DIPK1A: variants seen among roughly 807,000 people sequenced by gnomAD.
The protein encoded by DIPK1A is family with sequence similarity 69 member A.
In DIPK1A, 27 loss-of-function variants were observed where a neutral mutation model predicts 40.8. That is an observed-to-expected ratio of 0.66 (90% CI 0.49 to 0.91). The LOEUF (loss-of-function observed/expected upper bound fraction) is 0.91, where lower values mean the gene tolerates loss of function less well. Ranked by LOEUF, DIPK1A falls within the 40% of genes least tolerant of loss-of-function variation. The probability of loss-of-function intolerance (pLI) is 0.00; values close to 1 mark genes in which losing one functional copy is unlikely to be tolerated. For synonymous variants in DIPK1A, 166 were observed against 171.3 expected (o/e 0.97, Z 0.24); for missense variants, 412 against 505.7 (o/e 0.81, Z 1.78).
At chr1:92,943,181 CAAAG>C (rs1204153957) in intron 1 of DIPK1A, among the ~76,000 whole-genome samples, 3 of 151,954 alleles carry the variant, frequency 2.0e-5, no homozygotes, top group Non-Finnish European at 1.5e-5. Flanking sequence ...CTGAAAGAAA[CAAAG>C]AAAGAAAGAA....
intron 1 of DIPK1A, among the ~76,000 whole-genome samples, chr1:92,891,266 C>G (rs11164830): frequency 6.6e-6 from 1 of 151,406 alleles, no homozygotes; most frequent in Non-Finnish European, 1.5e-5. Context: ...TTTTGAAAAA[C>G]CAATTTTTCA....
intron 1 of DIPK1A, among the ~76,000 whole-genome samples, chr1:92,953,906 AC>A (rs1188675963): frequency 6.6e-6 from 1 of 152,204 alleles, no homozygotes; most frequent in Non-Finnish European, 1.5e-5. Context: ...TGTGCTTTTG[AC>A]CATAATTTAA....
chr1:92,885,389 G>A (rs893087703), intron 1 of DIPK1A, among the ~76,000 whole-genome samples: 2 of 151,204 alleles, frequency 1.3e-5, no homozygotes, highest in Admixed American at 6.6e-5. Context: ...TTTTTTTTTG[G>A]AAGGAGTCTC....
chr1:92,888,289 T>C (rs1324522356), intron 1 of DIPK1A, among the ~76,000 whole-genome samples: 1 of 152,114 alleles, frequency 6.6e-6, no homozygotes, highest in African/African-American at 2.4e-5. Context: ...CATGCAGCAT[T>C]TACCTTTTTG....
chr1:92,952,087 A>G (rs570654816), intron 1 of DIPK1A, among the ~76,000 whole-genome samples: 1 of 151,282 alleles, frequency 6.6e-6, no homozygotes, highest in East Asian at 1.9e-4. Flanking sequence ...AAACACACAC[A>G]AATGTCTGGA....
intron 2 of DIPK1A, among the ~76,000 whole-genome samples, chr1:92,862,538 C>T (rs566188524): frequency 2.7e-4 from 41 of 152,286 alleles, no homozygotes; most frequent in African/African-American, 8.7e-4. Context: ...TTTAAACCCT[C>T]GTCACTTGTG....
At chr1:92,900,320 C>T (rs200731290) in intron 1 of DIPK1A, among the ~76,000 whole-genome samples, 2 of 130,458 alleles carry the variant, frequency 1.5e-5, no homozygotes, top group African/African-American at 2.8e-5. Flanking sequence ...ACTTTTTTTT[C>T]CCCCTGACTG....
At chr1:92,903,106 A>G (rs1170632919) in intron 1 of DIPK1A, among the ~76,000 whole-genome samples, 2 of 152,048 alleles carry the variant, frequency 1.3e-5, no homozygotes, top group Non-Finnish European at 1.5e-5. Flanking sequence ...CCAGGCTGGA[A>G]TGCAGTGGCT....
At chr1:92,866,495 T>C (rs1557460235) in intron 2 of DIPK1A, among the ~76,000 whole-genome samples, 1 of 152,234 alleles carries the variant, frequency 6.6e-6, no homozygotes, top group Non-Finnish European at 1.5e-5. Context: ...CTTTCTTTCT[T>C]TACATTTTTG....
intron 2 of DIPK1A, among the ~76,000 whole-genome samples, chr1:92,861,943 C>A (rs567737552): frequency 2.5e-4 from 38 of 152,088 alleles, no homozygotes; most frequent in Non-Finnish European, 5.0e-4. Context: ...CCACACCCGG[C>A]TAAGTTTTGT....
At chr1:92,889,728 G>A (rs768958226) in intron 1 of DIPK1A, among the ~76,000 whole-genome samples, 3 of 151,890 alleles carry the variant, frequency 2.0e-5, no homozygotes, top group Non-Finnish European at 4.4e-5. Flanking sequence ...ACCCACTGCA[G>A]CCTCTGTCTC....
intron 1 of DIPK1A, among the ~76,000 whole-genome samples, chr1:92,925,526 C>T (rs899850183): frequency 3.3e-5 from 5 of 152,024 alleles, no homozygotes; most frequent in Admixed American, 6.6e-5. Context: ...GACAGTCTCG[C>T]GCTGCAACCC....
intron 1 of DIPK1A, among the ~76,000 whole-genome samples, chr1:92,891,978 C>T (rs896849760): frequency 1.3e-5 from 2 of 151,916 alleles, no homozygotes; most frequent in Non-Finnish European, 2.9e-5. Flanking sequence ...CTGCCATTGC[C>T]GAGGCTTGAG....
intron 2 of DIPK1A, among the ~76,000 whole-genome samples, chr1:92,856,087 A>C (rs928568411): frequency 1.3e-5 from 2 of 148,558 alleles, no homozygotes; most frequent in Non-Finnish European, 2.9e-5. Context: ...AAAATAAATA[A>C]ATAAATAAAA....
intron 2 of DIPK1A, among the ~76,000 whole-genome samples, chr1:92,855,870 A>G (rs1220331712): frequency 6.6e-6 from 1 of 152,136 alleles, no homozygotes; most frequent in African/African-American, 2.4e-5. Context: ...ACTTGAGTCC[A>G]GGAGTTCCAG....
intron 4 of DIPK1A, chr1:92,836,414 T>C (rs1415363888): frequency 4.4e-6 from 7 of 1,603,858 alleles, no homozygotes; most frequent in Admixed American, 1.7e-5. Context: ...ATTTAAGACC[T>C]TGGTGCCTGG....
At chr1:92,866,627 C>T (rs1480600213) in intron 2 of DIPK1A, among the ~76,000 whole-genome samples, 4 of 152,176 alleles carry the variant, frequency 2.6e-5, no homozygotes, top group African/African-American at 7.2e-5. Context: ...CTAGGTGTTG[C>T]TGTGAGGGTA....
rs577740949 is a variant in DIPK1A at position 92,884,332 on chromosome 1, G to A, written c.55-7902C>T. 3.9e-5 allele frequency among the ~76,000 whole-genome samples: 6 copies of A among 152,064 alleles called. No homozygotes were observed. The South Asian group carries it at 1.2e-3, about 32-fold the overall frequency. ...GCTGGGTGTGATGGCACGTGCCTGT[G>A]ATCCCAGCTACACAGGAGGCTGAGG... On this transcript the variant is annotated intron_variant, in intron 1 of 4. Coordinates refer to ENST00000370310, the MANE Select transcript of DIPK1A (RefSeq NM_001006605.5).
At chr1:92,942,702 C>A (rs1651202365) in intron 1 of DIPK1A, among the ~76,000 whole-genome samples, 1 of 152,132 alleles carries the variant, frequency 6.6e-6, no homozygotes, top group South Asian at 2.1e-4. Flanking sequence ...CACTGTCACC[C>A]AGGCTGGAGT....
Sources: gnomAD v4.1 joint callset for allele counts (sites outside exome capture counted in the v4.1 genomes callset) on GRCh38, gnomAD v4.1.1 for gene constraint, MANE v1.5 for transcripts, NCBI Gene and HGNC (gene_info 2026-07-23, HGNC 2026-07-21) for gene names.